The following ADGRL3 variants were observed in gnomAD, a reference collection of about 807,000 sequenced individuals.
The protein encoded by ADGRL3 is adhesion G protein-coupled receptor L3, also known as calcium-independent alpha-latrotoxin receptor 3.
A neutral mutation model predicts 153.5 loss-of-function variants in ADGRL3; 62 were observed. The ratio of observed to expected loss-of-function variants is 0.40; its 90% CI spans 0.33 to 0.50. The LOEUF is 0.50. Ranked by LOEUF, ADGRL3 falls within the 20% of genes least tolerant of loss-of-function variation. The probability of loss-of-function intolerance (pLI) is 0.47; values close to 1 mark genes in which losing one functional copy is unlikely to be tolerated. For missense variants in ADGRL3, 1,641 were observed against 1,859.4 expected, an observed-to-expected ratio of 0.88 and a Z score of 2.16; for synonymous variants, 710 against 672.5, an observed-to-expected ratio of 1.06 and a Z score of -0.86.
chr4:61,450,781 A>G lies in ADGRL3; in HGVS notation c.-173-46340A>G, dbSNP rs187826333. 1.4e-3 allele frequency among the ~76,000 whole-genome samples: 215 copies of G among 152,278 alleles called. 1 individual carries two copies. The East Asian group carries it at 0.035, about 24-fold the overall frequency. On this transcript the variant is annotated intron_variant, in intron 2 of 26. Transcript: ENST00000683033. ...ATAGCCTTAAACATTTCGAACATCT[A>G]TGAACAGCCATAATAAGATATATTT...
intron 5 of ADGRL3, among the ~76,000 whole-genome samples, chr4:61,643,050 A>G (rs943590954): frequency 2.8e-3 from 425 of 152,302 alleles, no homozygotes; most frequent in Non-Finnish European, 4.3e-3. Context: ...CTTTGAAGCA[A>G]TTGTGAATGG....
chr4:61,504,350 T>TA (rs901818722), intron 3 of ADGRL3, among the ~76,000 whole-genome samples: 37 of 151,932 alleles, frequency 2.4e-4, no homozygotes, highest in African/African-American at 8.9e-4. Context: ...AGAATTTTTT[T>TA]AAAAAAATAA....
chr4:61,443,575 A>G (rs1289032405), intron 2 of ADGRL3, among the ~76,000 whole-genome samples: 2 of 152,166 alleles, frequency 1.3e-5, no homozygotes, highest in Non-Finnish European at 2.9e-5. Context: ...TTTCTTTAAA[A>G]TTGATAATGA....
chr4:61,413,386 C>T (rs536053787), intron 2 of ADGRL3, among the ~76,000 whole-genome samples: 8 of 152,110 alleles, frequency 5.3e-5, no homozygotes, highest in Admixed American at 3.9e-4. Context: ...TTACTGACAA[C>T]GTGGGGTGGC....
intron 6 of ADGRL3, among the ~76,000 whole-genome samples, chr4:61,713,293 T>A (rs2096037982): frequency 6.6e-6 from 1 of 152,056 alleles, no homozygotes; most frequent in South Asian, 2.1e-4. Flanking sequence ...ATTTTTTTCC[T>A]GTATGTTCTT....
intron 5 of ADGRL3, among the ~76,000 whole-genome samples, chr4:61,670,295 A>T (rs1056749746): frequency 4.0e-5 from 6 of 151,416 alleles, no homozygotes; most frequent in Non-Finnish European, 5.9e-5. Flanking sequence ...TTCTCTCAAA[A>T]ATATATATAT....
chr4:61,970,100 T>C (rs571829172), intron 17 of ADGRL3, among the ~76,000 whole-genome samples: 37 of 152,320 alleles, frequency 2.4e-4, no homozygotes, highest in African/African-American at 8.7e-4. Context: ...AAATTCTGTA[T>C]ACTCTTTGCT....
At chr4:61,670,324 C>T (rs967776094) in intron 5 of ADGRL3, among the ~76,000 whole-genome samples, 14 of 151,872 alleles carry the variant, frequency 9.2e-5, no homozygotes, top group Non-Finnish European at 1.6e-4. Flanking sequence ...TTAATGATAC[C>T]ATGTTAGATC....
intron 5 of ADGRL3, among the ~76,000 whole-genome samples, chr4:61,609,387 G>T (rs1019076172): frequency 2.6e-5 from 4 of 151,982 alleles, no homozygotes; most frequent in African/African-American, 9.7e-5. Flanking sequence ...ACACCCTAAA[G>T]ACTATTTTAA....
chr4:62,003,133 T>G (rs1369932467), intron 21 of ADGRL3, among the ~76,000 whole-genome samples: 2 of 152,168 alleles, frequency 1.3e-5, no homozygotes, highest in Non-Finnish European at 2.9e-5. Flanking sequence ...CATTGGTGCC[T>G]ATGTGAAGGG....
At chr4:61,887,958 C>T (rs748765108) in intron 9 of ADGRL3, among the ~76,000 whole-genome samples, 2 of 152,106 alleles carry the variant, frequency 1.3e-5, no homozygotes, top group Non-Finnish European at 2.9e-5. Flanking sequence ...CTCGTAATAG[C>T]ATTCAAAATA....
At chr4:61,565,167 A>T (rs776671454) in intron 4 of ADGRL3, among the ~76,000 whole-genome samples, 3 of 152,202 alleles carry the variant, frequency 2.0e-5, no homozygotes, top group African/African-American at 7.2e-5. Context: ...AAAACACAGT[A>T]TCTGGGAAGT....
intron 17 of ADGRL3, among the ~76,000 whole-genome samples, chr4:61,978,757 T>C (rs2099056938): frequency 6.6e-6 from 1 of 152,156 alleles, no homozygotes; most frequent in African/African-American, 2.4e-5. Flanking sequence ...CAAAACATGA[T>C]GTTTCAGTAC....
chr4:61,660,598 A>G (rs2094567084), intron 5 of ADGRL3, among the ~76,000 whole-genome samples: 2 of 152,060 alleles, frequency 1.3e-5, no homozygotes, highest in South Asian at 4.2e-4. Context: ...ATGGTTTCCT[A>G]TTTTTGTCTC....
intron 2 of ADGRL3, among the ~76,000 whole-genome samples, chr4:61,400,253 A>T (rs913684088): frequency 3.8e-4 from 57 of 151,930 alleles, no homozygotes; most frequent in African/African-American, 1.3e-3. Flanking sequence ...GAATATAAAT[A>T]TTACCAGTGG....
chr4:61,675,874 G>A (rs184889592), intron 5 of ADGRL3, among the ~76,000 whole-genome samples: 39 of 151,690 alleles, frequency 2.6e-4, no homozygotes, highest in Admixed American at 1.6e-3. Flanking sequence ...TCACCCAATT[G>A]TGCTATCAGA....
intron 3 of ADGRL3, among the ~76,000 whole-genome samples, chr4:61,510,700 C>T (rs536450139): frequency 6.6e-6 from 1 of 152,134 alleles, no homozygotes; most frequent in Admixed American, 6.6e-5. Context: ...TGTGATGCCT[C>T]CAGCTTTGTT....
chr4:61,469,495 T>G (rs535538055), intron 2 of ADGRL3, among the ~76,000 whole-genome samples: 2 of 152,150 alleles, frequency 1.3e-5, no homozygotes, highest in Admixed American at 1.3e-4. Flanking sequence ...TTAGTTTGTG[T>G]GTGGGTAGGT....
intron 6 of ADGRL3, among the ~76,000 whole-genome samples, chr4:61,688,541 G>A (rs1424416235): frequency 6.6e-6 from 1 of 152,120 alleles, no homozygotes; most frequent in East Asian, 1.9e-4. Flanking sequence ...TTTGTACCAT[G>A]ATGGCCACAT....
Sources: allele counts gnomAD v4.1 joint callset (sites outside exome capture counted in the v4.1 genomes callset), GRCh38; gene constraint gnomAD v4.1.1; transcripts MANE v1.5; gene names NCBI Gene and HGNC (gene_info 2026-07-23, HGNC 2026-07-21).